TMEM132B: variants seen among roughly 807,000 people sequenced by gnomAD.
The protein encoded by TMEM132B is transmembrane protein 132B.
TMEM132B carries 18 observed loss-of-function variants against 90.8 expected under a neutral mutation model. That is an observed-to-expected ratio of 0.20 (90% CI 0.14 to 0.29). The LOEUF is 0.29. Ranked by LOEUF, TMEM132B falls within the 10% of genes least tolerant of loss-of-function variation. TMEM132B has a pLI of 1.00. For synonymous variants in TMEM132B, 504 were observed against 523.3 expected, an observed-to-expected ratio of 0.96 and a Z score of 0.50; for missense variants, 1,096 against 1,326.8, an observed-to-expected ratio of 0.83 and a Z score of 2.70.
At chr12:125,641,237 C>G (rs1886623665) in intron 5 of TMEM132B, among the ~76,000 whole-genome samples, 1 of 152,120 alleles carries the variant, frequency 6.6e-6, no homozygotes, top group African/African-American at 2.4e-5. Flanking sequence ...CAAAATTTTC[C>G]CCTCTCTGTG....
Position 125,315,418 on chromosome 12 carries a change from C to T in TMEM132B, c.68-34034C>T, listed in dbSNP as rs1055634058. Reference sequence around the variant, plus strand: ...TTCACCATGTTGGCCAAGCTGGTCTCGAACTCCTGACCTCAAGTGATCCGC... The same window carrying T: ...TTCACCATGTTGGCCAAGCTGGTCTTGAACTCCTGACCTCAAGTGATCCGC... On this transcript the variant is annotated intron_variant, in intron 1 of 8. Transcript: ENST00000682704. 3.3e-5 allele frequency among the ~76,000 whole-genome samples: 5 copies of T among 152,140 alleles called. No homozygotes were observed. The East Asian group carries it at 7.7e-4, about 23-fold the overall frequency.
At chr12:125,190,649 GCGA>G (rs1332222309) in intron 1 of TMEM132B, among the ~76,000 whole-genome samples, 1 of 67,868 alleles carries the variant, frequency 1.5e-5, no homozygotes, top group African/African-American at 6.0e-5. Context: ...GGAAGGGGTG[GCGA>G]TGGTGATGGG....
chr12:125,373,160 T>C (rs990508820), intron 2 of TMEM132B, among the ~76,000 whole-genome samples: 3 of 152,220 alleles, frequency 2.0e-5, no homozygotes, highest in South Asian at 2.1e-4. Context: ...CAGGGACATG[T>C]ATCACCAGTG....
intron 1 of TMEM132B, among the ~76,000 whole-genome samples, chr12:125,332,037 C>T (rs2136205913): frequency 6.6e-6 from 1 of 152,196 alleles, no homozygotes; most frequent in East Asian, 1.9e-4. Flanking sequence ...GCCACTGAGC[C>T]CTGCCCAAAT....
intron 1 of TMEM132B, among the ~76,000 whole-genome samples, chr12:125,187,962 G>C (rs953881534): frequency 6.6e-6 from 1 of 152,080 alleles, no homozygotes; most frequent in African/African-American, 2.4e-5. Context: ...CAAACAAATC[G>C]CACAGACAGG....
At chr12:125,446,780 C>T (rs968731854) in intron 3 of TMEM132B, among the ~76,000 whole-genome samples, 21 of 152,148 alleles carry the variant, frequency 1.4e-4, no homozygotes, top group Non-Finnish European at 2.5e-4. Context: ...GCCACCAAGA[C>T]TGGTATTGCA....
chr12:125,289,108 G>A (rs977018401), intron 1 of TMEM132B, among the ~76,000 whole-genome samples: 5 of 152,182 alleles, frequency 3.3e-5, no homozygotes, highest in African/African-American at 9.7e-5. Context: ...GACCTGGAGT[G>A]TTCTCAGCAA....
intron 2 of TMEM132B, among the ~76,000 whole-genome samples, chr12:125,359,040 A>C (rs1395246419): frequency 6.6e-6 from 1 of 152,190 alleles, no homozygotes; most frequent in Non-Finnish European, 1.5e-5. Context: ...TGCCAGCATA[A>C]TTTCACAAAA....
intron 3 of TMEM132B, among the ~76,000 whole-genome samples, chr12:125,419,166 T>C (rs1880102511): frequency 6.6e-6 from 1 of 152,144 alleles, no homozygotes; most frequent in Non-Finnish European, 1.5e-5. Context: ...GCAAAAGCCC[T>C]AAAATAGACT....
intron 5 of TMEM132B, 52 bp from the exon 6 acceptor site, chr12:125,644,024 T>C (rs1886695329): frequency 1.9e-6 from 3 of 1,547,436 alleles, no homozygotes; most frequent in South Asian, 2.3e-5. Context: ...TGTTGTTTTT[T>C]CCTTGTGCTT....
chr12:125,188,720 C>T (rs915930629), intron 1 of TMEM132B, among the ~76,000 whole-genome samples: 3 of 151,920 alleles, frequency 2.0e-5, no homozygotes, highest in Non-Finnish European at 4.4e-5. Context: ...CGACAAATGC[C>T]GTCCGGGCAG....
intron 3 of TMEM132B, among the ~76,000 whole-genome samples, chr12:125,432,427 G>A (rs1407322262): frequency 6.8e-5 from 4 of 58,436 alleles, no homozygotes; most frequent in Non-Finnish European, 1.4e-4. Flanking sequence ...ATATATGTAT[G>A]TGTATATATA....
chr12:125,338,152 C>A (rs1877036850), intron 1 of TMEM132B, among the ~76,000 whole-genome samples: 1 of 152,188 alleles, frequency 6.6e-6, no homozygotes, highest in Non-Finnish European at 1.5e-5. Context: ...TTACTTTGGG[C>A]CAGGCACTCT....
chr12:125,495,417 G>C (rs1278035702), intron 3 of TMEM132B, among the ~76,000 whole-genome samples: 1 of 151,724 alleles, frequency 6.6e-6, no homozygotes, highest in Non-Finnish European at 1.5e-5. Context: ...CCTCCTCCAT[G>C]GCTCCAGGCC....
rs373742125 is a variant in TMEM132B at position 125,213,984 on chromosome 12, TAGAG to T, written c.67+27122_67+27125del. Among the ~76,000 whole-genome samples the T allele has an allele frequency of 3.0e-4, 45 of 152,328 alleles. No individual in the cohort carries two copies. The East Asian group carries it at 7.9e-3, about 27-fold the overall frequency. On this transcript the variant is annotated intron_variant, in intron 1 of 8. Coordinates refer to ENST00000682704, the MANE Select transcript of TMEM132B (RefSeq NM_001366854.1). This position sits in a 1 kb window ranked among gnomAD's most constrained non-coding sequence, Gnocchi z 4.2. Reference sequence around the variant, plus strand: ...TGCCAGGGCACATAAGTTTGGGGGATAGAGAGAACAATAGTACCCCTTCGTCAGT... The same window carrying T: ...TGCCAGGGCACATAAGTTTGGGGGATAGAACAATAGTACCCCTTCGTCAGT...
chr12:125,612,134 A>G (rs1885845110), intron 5 of TMEM132B, among the ~76,000 whole-genome samples: 1 of 152,190 alleles, frequency 6.6e-6, no homozygotes, highest in African/African-American at 2.4e-5. Flanking sequence ...TAATATATTG[A>G]CCACTTTATC....
intron 1 of TMEM132B, among the ~76,000 whole-genome samples, chr12:125,224,414 T>C (rs1313274600): frequency 6.6e-6 from 1 of 152,242 alleles, no homozygotes; most frequent in Admixed American, 6.5e-5. Flanking sequence ...GTGGGTCCAC[T>C]TTAAGTGGAC....
chr12:125,278,892 G>C (rs1401182618), intron 1 of TMEM132B, among the ~76,000 whole-genome samples: 1 of 152,136 alleles, frequency 6.6e-6, no homozygotes, highest in Non-Finnish European at 1.5e-5. Flanking sequence ...CCTCTCTGAA[G>C]ACCCTCTAAG....
intron 3 of TMEM132B, among the ~76,000 whole-genome samples, chr12:125,506,882 T>C (rs1366250277): frequency 1.3e-5 from 2 of 152,244 alleles, no homozygotes; most frequent in African/African-American, 2.4e-5. Flanking sequence ...AGAAGATTGT[T>C]GCTTCAGAAG....
Sources: allele counts gnomAD v4.1 joint callset (sites outside exome capture counted in the v4.1 genomes callset), GRCh38; gene constraint gnomAD v4.1.1; non-coding constraint Gnocchi (gnomAD v3.1); transcripts MANE v1.5; gene names NCBI Gene and HGNC (gene_info 2026-07-23, HGNC 2026-07-21).